The following HERC3 variants were observed in gnomAD, a reference collection of about 807,000 sequenced individuals.
HERC3 encodes the protein probable E3 ubiquitin-protein ligase HERC3.
Under a neutral mutation model 129.9 loss-of-function variants are expected in HERC3, and 58 were observed. The ratio of observed to expected loss-of-function variants is 0.45; its 90% CI spans 0.36 to 0.56. The LOEUF (loss-of-function observed/expected upper bound fraction) is 0.56. Among genes scored for constraint, HERC3 ranks in the 20% least tolerant of loss-of-function variants. The pLI is 0.00. For synonymous variants in HERC3, 430 were observed against 451.0 expected (o/e 0.95, Z 0.59); for missense variants, 835 against 1,244.2 (o/e 0.67, Z 4.95).
intron 3 of HERC3, among the ~76,000 whole-genome samples, chr4:88,647,187 C>G (rs2149265026): frequency 6.6e-6 from 1 of 152,218 alleles, no homozygotes; most frequent in Middle Eastern, 3.4e-3. Context: ...GGCTACTAAG[C>G]TGTAGTAAAG....
At chr4:88,538,142 T>C in the HERC3 span, among the ~76,000 whole-genome samples, 1 of 152,240 alleles carries the variant, frequency 6.6e-6, no homozygotes, top group Non-Finnish European at 1.5e-5. Flanking sequence ...TTTCTGGAGT[T>C]AGAAATCTAA....
intron 3 of HERC3, among the ~76,000 whole-genome samples, chr4:88,611,217 C>G (rs1013437809): frequency 2.6e-5 from 4 of 152,208 alleles, no homozygotes; most frequent in Non-Finnish European, 4.4e-5. Flanking sequence ...GGGTGCCTCC[C>G]TCTCTCCATT....
chr4:88,695,369 T>C (rs1328589599), intron 23 of HERC3, among the ~76,000 whole-genome samples: 1 of 152,186 alleles, frequency 6.6e-6, no homozygotes, highest in Non-Finnish European at 1.5e-5. Flanking sequence ...CATCTGATTT[T>C]TTAATTTTTC....
At chr4:88,676,099 A>G (rs1186104743) in intron 16 of HERC3, 119 bp from the exon 17 acceptor site, 7 of 700,694 alleles carry the variant, frequency 1.0e-5, no homozygotes, top group Non-Finnish European at 1.7e-5. Flanking sequence ...AAATGGTGTT[A>G]GTTCTATGGC....
At chr4:88,601,948 T>C (rs536583448) in intron 2 of HERC3, among the ~76,000 whole-genome samples, 2,258 of 113,810 alleles carry the variant, frequency 0.02, 195 homozygotes, top group Non-Finnish European at 0.024. Flanking sequence ...CCCAGCTACT[T>C]GGGAGGCTGA....
intron 21 of HERC3, among the ~76,000 whole-genome samples, chr4:88,683,514 T>C (rs1733044820): frequency 1.3e-5 from 2 of 152,202 alleles, no homozygotes; most frequent in African/African-American, 4.8e-5. Flanking sequence ...CTTACTTTGC[T>C]TATGTGGCTG....
At chr4:88,617,880 AAAAG>A (rs1436808187) in intron 3 of HERC3, among the ~76,000 whole-genome samples, 1 of 145,966 alleles carries the variant, frequency 6.9e-6, no homozygotes, top group Non-Finnish European at 1.5e-5. Flanking sequence ...AAAGGAAAAA[AAAAG>A]AAAAAAAAAA....
the HERC3 span, among the ~76,000 whole-genome samples, chr4:88,543,382 G>A: frequency 4.6e-5 from 7 of 152,178 alleles, no homozygotes; most frequent in African/African-American, 7.2e-5. Flanking sequence ...TACAAGGGAT[G>A]TGAAGGACCT....
chr4:88,626,669 G>C (rs1256088272), intron 3 of HERC3, among the ~76,000 whole-genome samples: 2 of 151,974 alleles, frequency 1.3e-5, no homozygotes, highest in Non-Finnish European at 2.9e-5. Context: ...TGTCTTTTGA[G>C]GAATTTGTCC....
At chr4:88,535,775 C>T in the HERC3 span, among the ~76,000 whole-genome samples, 5 of 152,160 alleles carry the variant, frequency 3.3e-5, no homozygotes, top group Non-Finnish European at 7.4e-5. Context: ...TCAAAGGCCC[C>T]ACCTCCAACC....
chr4:88,633,126 C>G (rs188911780), intron 3 of HERC3, among the ~76,000 whole-genome samples: 59 of 152,244 alleles, frequency 3.9e-4, no homozygotes, highest in African/African-American at 1.3e-3. Context: ...AATTCTGTAT[C>G]CAGCAAAAAT....
intron 18 of HERC3, among the ~76,000 whole-genome samples, chr4:88,677,189 G>C (rs921274678): frequency 1.1e-4 from 17 of 152,030 alleles, no homozygotes; most frequent in African/African-American, 3.9e-4. Context: ...AGCAAAAACA[G>C]ACAGAAGGCT....
rs188957582 is a variant in HERC3, at chr4:88,683,758, T to A, written c.2507+2433T>A. ...TTAAGAGTACTTTTTTTCATTATTC[T>A]TTAGTTAGTGTGACAGAGATAATAA... is the stretch of plus-strand genomic sequence containing the variant. On this transcript the variant is annotated intron_variant, in intron 21 of 25. Transcript: ENST00000402738. 3.0e-3 allele frequency among the ~76,000 whole-genome samples: 460 copies of A among 152,320 alleles called. 11 individuals carry two copies. The highest frequency in any genetic ancestry group is 6.8e-3 in the Middle Eastern group (2 of 292).
intron 19 of HERC3, among the ~76,000 whole-genome samples, chr4:88,679,169 TAC>T (rs953231764): frequency 1.3e-4 from 20 of 152,224 alleles, no homozygotes; most frequent in African/African-American, 4.8e-4. Context: ...GGATTAGGTT[TAC>T]AGAGTTTAAC....
intron 21 of HERC3, among the ~76,000 whole-genome samples, chr4:88,681,529 G>A (rs1219547005): frequency 6.6e-6 from 1 of 152,088 alleles, no homozygotes; most frequent in African/African-American, 2.4e-5. Flanking sequence ...ATCGGTATCC[G>A]AGGGGTATTA....
intron 3 of HERC3, among the ~76,000 whole-genome samples, chr4:88,609,625 T>G (rs1003325642): frequency 6.6e-6 from 1 of 152,148 alleles, no homozygotes; most frequent in Admixed American, 6.6e-5. Flanking sequence ...GACTTCCTGT[T>G]CTAATCAGAT....
the HERC3 span, among the ~76,000 whole-genome samples, chr4:88,545,887 G>A: frequency 6.6e-6 from 1 of 152,084 alleles, no homozygotes; most frequent in African/African-American, 2.4e-5. Flanking sequence ...CTAATATGCA[G>A]ATGTAATCAT....
the HERC3 span, among the ~76,000 whole-genome samples, chr4:88,539,789 A>G: frequency 2.6e-5 from 4 of 152,026 alleles, no homozygotes; most frequent in South Asian, 8.3e-4. Context: ...GATACCCAGG[A>G]AAACAGGGTC....
At position 88,655,958 on chromosome 4, in the gene HERC3, A is replaced by C; in HGVS notation, c.992A>C (p.His331Pro). 1 of 1,614,140 alleles carries C rather than the reference A, an allele frequency of 6.2e-7. No homozygotes were observed. Residue 331 changes from histidine to proline, a missense_variant, in exon 9 of 26, where the codon CAC becomes CCC. His to Pro is a moderately conservative substitution (Grantham distance 77, BLOSUM62 -2). Transcript: ENST00000402738. ...GCAAGAGGTCAATTAGGAACTGGGC[A>C]CACTTGTAATGTTAAGTGCCCATCT... ...CGARGQLGTG[H>P]TCNVKCPSPV...
Sources: allele counts gnomAD v4.1 joint callset (sites outside exome capture counted in the v4.1 genomes callset), GRCh38; gene constraint gnomAD v4.1.1; transcripts MANE v1.5; gene names NCBI Gene and HGNC (gene_info 2026-07-23, HGNC 2026-07-21).